The following ATXN1 variants were observed in gnomAD, a reference collection of about 807,000 sequenced individuals.
ATXN1 encodes the protein ataxin 1, also known as ataxin-1.
ATXN1 carries 8 observed loss-of-function variants against 56.4 expected under a neutral mutation model. The observed-to-expected ratio is 0.14, with a 90% CI of 0.08 to 0.26. ATXN1 has a LOEUF of 0.26. ATXN1 is among the 10% of genes least tolerant of loss of function. The pLI is 1.00. For missense variants in ATXN1, 987 were observed against 1,106.5 expected (o/e 0.89, Z 1.53); for synonymous variants, 514 against 494.6 (o/e 1.04, Z -0.52).
chr6:16,343,093 C>G (rs1055264917), intron 6 of ATXN1, among the ~76,000 whole-genome samples: 6 of 152,166 alleles, frequency 3.9e-5, no homozygotes, highest in Admixed American at 1.3e-4. Flanking sequence ...GCCTGTAATC[C>G]CAGCACTTTG....
chr6:16,690,326 T>G (rs1054796979), intron 2 of ATXN1, among the ~76,000 whole-genome samples: 2 of 151,952 alleles, frequency 1.3e-5, no homozygotes, highest in African/African-American at 4.8e-5. Flanking sequence ...ATCAGCAACC[T>G]GCCTTCCTTC....
chr6:16,735,599 T>C (rs921267968), intron 2 of ATXN1, among the ~76,000 whole-genome samples: 2 of 152,192 alleles, frequency 1.3e-5, no homozygotes, highest in African/African-American at 4.8e-5. Context: ...ACCAAAATTC[T>C]GTCTCGGGGT....
chr6:16,331,132 C>T (rs56041438), intron 6 of ATXN1, among the ~76,000 whole-genome samples: 2,281 of 152,218 alleles, frequency 0.015, 21 homozygotes, highest in Non-Finnish European at 0.021. Flanking sequence ...TCCTGAGTAG[C>T]TGGGATTATA....
At chr6:16,677,794 A>G (rs1353869528) in intron 2 of ATXN1, among the ~76,000 whole-genome samples, 2 of 152,232 alleles carry the variant, frequency 1.3e-5, no homozygotes, top group Non-Finnish European at 2.9e-5. Context: ...AAATTCAGAT[A>G]TAATTGTTTA....
intron 4 of ATXN1, among the ~76,000 whole-genome samples, chr6:16,529,345 G>C (rs1761457322): frequency 6.6e-6 from 1 of 151,608 alleles, no homozygotes; most frequent in Non-Finnish European, 1.5e-5. Flanking sequence ...CGGGACCAAA[G>C]TGCTGACAGT....
chr6:16,458,878 C>T (rs1331584148), intron 6 of ATXN1, among the ~76,000 whole-genome samples: 1 of 152,198 alleles, frequency 6.6e-6, no homozygotes, highest in South Asian at 2.1e-4. Context: ...ACTGAGGGTG[C>T]CTGGTGCAAG....
chr6:16,458,236 T>C (rs1466771724), intron 6 of ATXN1, among the ~76,000 whole-genome samples: 1 of 152,136 alleles, frequency 6.6e-6, no homozygotes, highest in Non-Finnish European at 1.5e-5. Context: ...TAGACTCAGA[T>C]CATGGGAACT....
chr6:16,404,368 A>G (rs1758641141), intron 6 of ATXN1, among the ~76,000 whole-genome samples: 1 of 152,160 alleles, frequency 6.6e-6, no homozygotes, highest in Admixed American at 6.5e-5. Flanking sequence ...CACATTTTCC[A>G]CTAAAAGGTG....
intron 1 of ATXN1, chr6:16,753,977 G>A (rs1760805601): frequency 6.6e-6 from 1 of 152,266 alleles, no homozygotes; most frequent in Non-Finnish European, 1.5e-5. Flanking sequence ...ATTTTCCATT[G>A]TATGATGAAT....
chr6:16,759,697 G>A (rs1761007671), intron 1 of ATXN1, among the ~76,000 whole-genome samples: 1 of 151,666 alleles, frequency 6.6e-6, no homozygotes, highest in Non-Finnish European at 1.5e-5. Context: ...CTTAGAAACG[G>A]ATTTTTTTTT....
chr6:16,489,541 C>T (rs1358782851), intron 5 of ATXN1, among the ~76,000 whole-genome samples: 1 of 152,200 alleles, frequency 6.6e-6, no homozygotes, highest in African/African-American at 2.4e-5. Flanking sequence ...TCACCAGCAG[C>T]TTACATCACT....
intron 2 of ATXN1, among the ~76,000 whole-genome samples, chr6:16,679,185 T>G (rs1207760576): frequency 6.7e-6 from 1 of 148,304 alleles, no homozygotes. Flanking sequence ...GAAGGATAGA[T>G]GAATGGATGG....
intron 6 of ATXN1, among the ~76,000 whole-genome samples, chr6:16,411,905 A>G (rs777701009): frequency 6.6e-6 from 1 of 152,208 alleles, no homozygotes; most frequent in Non-Finnish European, 1.5e-5. Context: ...TGTATGTCTT[A>G]TCTCCCTTAG....
chr6:16,612,869 G>A (rs1380154150), intron 3 of ATXN1, among the ~76,000 whole-genome samples: 1 of 149,432 alleles, frequency 6.7e-6, no homozygotes, highest in Admixed American at 6.7e-5. Context: ...CCAGCCTGGT[G>A]ACAGAGAGAG....
chr6:16,722,989 C>T (rs1759776748), intron 2 of ATXN1, among the ~76,000 whole-genome samples: 1 of 152,182 alleles, frequency 6.6e-6, no homozygotes, highest in African/African-American at 2.4e-5. Context: ...GGTGTTTTTA[C>T]CCAACAACTC....
chr6:16,473,667 G>A (rs976810330), intron 6 of ATXN1, among the ~76,000 whole-genome samples: 1 of 152,148 alleles, frequency 6.6e-6, no homozygotes, highest in African/African-American at 2.4e-5. Context: ...TTGGAGTCTG[G>A]CAGGATCCCA....
At chr6:16,373,887 A>G (rs1216505960) in intron 6 of ATXN1, among the ~76,000 whole-genome samples, 1 of 152,172 alleles carries the variant, frequency 6.6e-6, no homozygotes, top group Non-Finnish European at 1.5e-5. Flanking sequence ...CATCACACCC[A>G]AATTAGACCT....
chr6:16,607,619 G>T (rs1482799493), intron 3 of ATXN1, among the ~76,000 whole-genome samples: 1 of 152,168 alleles, frequency 6.6e-6, no homozygotes, highest in Non-Finnish European at 1.5e-5. Context: ...ACATGAATAT[G>T]TACCCATCTC....
At chr6:16,399,009 C>A (rs187499960) in intron 6 of ATXN1, among the ~76,000 whole-genome samples, 6 of 152,198 alleles carry the variant, frequency 3.9e-5, no homozygotes, top group Non-Finnish European at 8.8e-5. Flanking sequence ...ATTAAACATG[C>A]CTCCGTCTCA....
Sources: allele counts gnomAD v4.1 joint callset (sites outside exome capture counted in the v4.1 genomes callset), GRCh38; gene constraint gnomAD v4.1.1; transcripts MANE v1.5; gene names NCBI Gene and HGNC (gene_info 2026-07-23, HGNC 2026-07-21).